GTF2I: variants seen among roughly 807,000 people sequenced by gnomAD.
GTF2I encodes the protein general transcription factor IIi.
GTF2I carries 12 observed loss-of-function variants against 67.6 expected under a neutral mutation model. That is an observed-to-expected ratio of 0.18 (90% CI 0.11 to 0.29). GTF2I has a LOEUF of 0.29. Among genes scored for constraint, GTF2I ranks in the 10% least tolerant of loss-of-function variants. The probability of loss-of-function intolerance (pLI) is 1.00; values close to 1 mark genes in which losing one functional copy is unlikely to be tolerated. For synonymous variants in GTF2I, 149 were observed against 197.0 expected (o/e 0.76, Z 2.04); for missense variants, 271 against 580.1 (o/e 0.47, Z 5.47).
chr7:74,703,653 T>C (rs1554400460), intron 6 of GTF2I, among the ~76,000 whole-genome samples: 1 of 152,224 alleles, frequency 6.6e-6, no homozygotes, highest in South Asian at 2.1e-4. Context: ...GTGCTGGGAT[T>C]ATAGGCGTGA....
intron 3 of GTF2I, among the ~76,000 whole-genome samples, chr7:74,697,604 T>C (rs1193986601): frequency 1.3e-5 from 2 of 152,170 alleles, no homozygotes; most frequent in Non-Finnish European, 2.9e-5. Context: ...TTGTAACCAA[T>C]ACAAATTTTC....
intron 10 of GTF2I, among the ~76,000 whole-genome samples, chr7:74,715,334 A>G (rs922908536): frequency 5.3e-5 from 8 of 152,042 alleles, no homozygotes; most frequent in Admixed American, 2.6e-4. Context: ...CTTTTTGGCA[A>G]TTTTTTACAG....
chr7:74,708,476 T>C (rs148917803), intron 8 of GTF2I, among the ~76,000 whole-genome samples: 1 of 152,282 alleles, frequency 6.6e-6, no homozygotes, highest in African/African-American at 2.4e-5. Flanking sequence ...TGCTGGTGGC[T>C]GAGGGGCATG....
intron 8 of GTF2I, among the ~76,000 whole-genome samples, chr7:74,709,446 C>T (rs184578808): frequency 3.9e-5 from 6 of 152,042 alleles, no homozygotes; most frequent in South Asian, 4.1e-4. Flanking sequence ...TTAGTAGAGA[C>T]GGGGTTTAAC....
chr7:74,662,901 C>A (rs1379426352), intron 1 of GTF2I, among the ~76,000 whole-genome samples: 1 of 151,990 alleles, frequency 6.6e-6, no homozygotes, highest in Non-Finnish European at 1.5e-5. Flanking sequence ...CAGTTGATGA[C>A]CCCCCTCCTT....
chr7:74,664,211 C>T (rs142103862), intron 1 of GTF2I, among the ~76,000 whole-genome samples: 8 of 152,106 alleles, frequency 5.3e-5, no homozygotes, highest in East Asian at 3.8e-4. Context: ...CTTGCCCTGT[C>T]GTCCTTTACT....
chr7:74,707,947 G>A (rs1430268800), intron 8 of GTF2I, among the ~76,000 whole-genome samples: 1 of 151,522 alleles, frequency 6.6e-6, no homozygotes, highest in Non-Finnish European at 1.5e-5. Context: ...TACATTTATA[G>A]CCAGGGTGCA....
chr7:74,716,002 G>A (rs1792216502), intron 10 of GTF2I, among the ~76,000 whole-genome samples: 2 of 151,990 alleles, frequency 1.3e-5, no homozygotes, highest in African/African-American at 2.4e-5. Flanking sequence ...CAATAGATAA[G>A]ACAAAAGAGA....
At chr7:74,697,686 C>T (rs1554398666) in intron 3 of GTF2I, among the ~76,000 whole-genome samples, 1 of 152,198 alleles carries the variant, frequency 6.6e-6, no homozygotes, top group Non-Finnish European at 1.5e-5. Context: ...CAGAGATGGT[C>T]ACCATTTCAT....
chr7:74,697,181 A>G (rs1554398557), intron 3 of GTF2I, among the ~76,000 whole-genome samples: 1 of 151,996 alleles, frequency 6.6e-6, no homozygotes, highest in Non-Finnish European at 1.5e-5. Flanking sequence ...GCGGATCACG[A>G]GGTCAGGAGA....
chr7:74,677,970 T>C (rs1266882683), intron 1 of GTF2I, among the ~76,000 whole-genome samples: 1 of 151,990 alleles, frequency 6.6e-6, no homozygotes, highest in African/African-American at 2.4e-5. Context: ...GACTCACCGC[T>C]GTAGTCCATT....
intron 1 of GTF2I, among the ~76,000 whole-genome samples, chr7:74,674,069 CTTTTTT>C (rs35948360): frequency 7.5e-6 from 1 of 132,506 alleles, no homozygotes; most frequent in African/African-American, 2.8e-5. Flanking sequence ...TGATCTATGA[CTTTTTT>C]TTTTTTTTTT....
At chr7:74,701,394 A>G (rs1789723443) in intron 6 of GTF2I, among the ~76,000 whole-genome samples, 1 of 152,100 alleles carries the variant, frequency 6.6e-6, no homozygotes, top group Non-Finnish European at 1.5e-5. Flanking sequence ...TCTTATTCTC[A>G]TTGTGGTGAA....
chr7:74,672,431 C>CTCGGGAGCTGAGGCAGCAGAA (rs1805544754), intron 1 of GTF2I, among the ~76,000 whole-genome samples: 1 of 152,000 alleles, frequency 6.6e-6, no homozygotes, highest in Non-Finnish European at 1.5e-5. Context: ...ATCCCAGCTA[C>CTCGGGAGCTGAGGCAGCAGAA]TCGGGAGCTG....
intron 1 of GTF2I, among the ~76,000 whole-genome samples, chr7:74,681,238 C>T (rs1249603415): frequency 6.6e-6 from 1 of 152,076 alleles, no homozygotes; most frequent in Non-Finnish European, 1.5e-5. Flanking sequence ...AGTTCAAGAT[C>T]AGCCTGACCA....
At chr7:74,726,882 T>A (rs1188650350) in intron 12 of GTF2I, 3 of 144,722 alleles carry the variant, frequency 2.1e-5, no homozygotes, top group South Asian at 2.2e-4. Context: ...GATAGATAGA[T>A]AGAATGAGAC....
intron 1 of GTF2I, among the ~76,000 whole-genome samples, chr7:74,661,036 A>T (rs1554386327): frequency 1.3e-5 from 2 of 152,180 alleles, no homozygotes; most frequent in Admixed American, 6.5e-5. Context: ...ACAAGTCTGT[A>T]ATTCTATTCT....
intron 1 of GTF2I, among the ~76,000 whole-genome samples, chr7:74,685,318 A>G (rs1011881786): frequency 2.6e-4 from 40 of 152,224 alleles, no homozygotes; most frequent in African/African-American, 9.6e-4. Context: ...CAATATGGTG[A>G]AACCCCCTCT....
chr7:74,699,960 G>T, intron 4 of GTF2I: 1 of 277,552 alleles, frequency 3.6e-6, no homozygotes. Flanking sequence ...TGCCAGGATG[G>T]GACCATCTTC....
Sources: gnomAD v4.1 joint callset for allele counts (sites outside exome capture counted in the v4.1 genomes callset) on GRCh38, gnomAD v4.1.1 for gene constraint, MANE v1.5 for transcripts, NCBI Gene and HGNC (gene_info 2026-07-23, HGNC 2026-07-21) for gene names.